UNC5C: variants seen among roughly 807,000 people sequenced by gnomAD.
UNC5C encodes unc-5 netrin receptor C.
UNC5C carries 47 observed loss-of-function variants against 99.8 expected under a neutral mutation model. The observed-to-expected ratio is 0.47, with a 90% CI of 0.37 to 0.60. The LOEUF (loss-of-function observed/expected upper bound fraction) is 0.60, where lower values mean the gene tolerates loss of function less well. UNC5C is among the 20% of genes least tolerant of loss of function. UNC5C has a pLI of 0.00. For missense variants in UNC5C, 1,062 were observed against 1,165.9 expected, an observed-to-expected ratio of 0.91 and a Z score of 1.30; for synonymous variants, 487 against 452.2, an observed-to-expected ratio of 1.08 and a Z score of -0.98.
chr4:95,217,720 A>G (rs1445315775), intron 9 of UNC5C, among the ~76,000 whole-genome samples: 4 of 152,204 alleles, frequency 2.6e-5, no homozygotes, highest in Non-Finnish European at 5.9e-5. Flanking sequence ...GCAGAATCCA[A>G]TACATTTCAG....
intron 1 of UNC5C, among the ~76,000 whole-genome samples, chr4:95,501,907 G>T (rs1475351777): frequency 6.6e-6 from 1 of 152,084 alleles, no homozygotes; most frequent in African/African-American, 2.4e-5. Context: ...TCTTATGTTG[G>T]AAATATTTAT....
In UNC5C at chr4:95,548,892, G is replaced by A. The variant is rs1387997929; in HGVS notation, c.-35C>T. On this transcript the variant is annotated 5_prime_UTR_variant, in exon 1 of 16. Coordinates refer to ENST00000453304, the MANE Select transcript of UNC5C (RefSeq NM_003728.4). ...AGGTGTGCCGGGGGGAGGGGAGGGG[G>A]ACAGAGAGACGCGCAAACAGCTGAA... is the stretch of plus-strand genomic sequence containing the variant. The A allele has an allele frequency of 6.2e-7, 1 of 1,608,928 alleles. No individual in the cohort carries two copies. The highest frequency in any genetic ancestry group is 8.5e-7 in the Non-Finnish European group (1 of 1,178,054).
chr4:95,258,663 C>T (rs552133066), intron 4 of UNC5C, among the ~76,000 whole-genome samples: 2 of 151,320 alleles, frequency 1.3e-5, no homozygotes, highest in African/African-American at 4.8e-5. Context: ...AACAGTTACA[C>T]GGCAATATTA....
At chr4:95,177,696 A>G (rs747894191) in intron 14 of UNC5C, among the ~76,000 whole-genome samples, 1 of 152,068 alleles carries the variant, frequency 6.6e-6, no homozygotes, top group East Asian at 1.9e-4. Flanking sequence ...GTATTTAGAG[A>G]CAAGGTCTTC....
At chr4:95,487,670 T>G (rs1721364195) in intron 1 of UNC5C, among the ~76,000 whole-genome samples, 1 of 151,700 alleles carries the variant, frequency 6.6e-6, no homozygotes, top group Non-Finnish European at 1.5e-5. Flanking sequence ...TAGAGAACTC[T>G]CTCCTACCAC....
intron 1 of UNC5C, among the ~76,000 whole-genome samples, chr4:95,458,121 C>A (rs1163133921): frequency 6.6e-6 from 1 of 152,056 alleles, no homozygotes; most frequent in African/African-American, 2.4e-5. Flanking sequence ...TGCAAGTTTA[C>A]AAGGAAATGA....
Position 95,162,812 on chromosome 4 carries a change from A to G in UNC5C, c.*6422T>C, listed in dbSNP as rs1300590713. On this transcript the variant is annotated 3_prime_UTR_variant, in exon 16 of 16. Transcript: ENST00000453304. ...CAACAACAAAAGTGTTCCATATCGG[A>G]AAAGCCAAGGTTGTCATGTTTTGTT... The G allele has an allele frequency of 6.6e-6, 1 of 152,164 alleles. No homozygotes were observed. The highest frequency in any genetic ancestry group is 2.4e-5 in the African/African-American group (1 of 41,454). 9.4% of individuals were successfully genotyped at this position (152,164 alleles called of 1,614,324 possible).
chr4:95,274,560 G>A (rs72887720), intron 4 of UNC5C, among the ~76,000 whole-genome samples: 1,817 of 151,332 alleles, frequency 0.012, 34 homozygotes, highest in African/African-American at 0.041. Context: ...AGGAGTCCTC[G>A]GTTGGCCTCT....
chr4:95,173,012 G>A (rs1736186871), intron 14 of UNC5C, among the ~76,000 whole-genome samples: 1 of 152,030 alleles, frequency 6.6e-6, no homozygotes, highest in South Asian at 2.1e-4. Context: ...ATTGTGAATG[G>A]GAGTTCACTC....
chr4:95,276,190 C>A (rs1477977815), intron 4 of UNC5C, among the ~76,000 whole-genome samples: 2 of 151,978 alleles, frequency 1.3e-5, no homozygotes, highest in Non-Finnish European at 2.9e-5. Context: ...GTTTTCTGAT[C>A]TTGGTGATTT....
At chr4:95,478,773 T>C (rs1032287838) in intron 1 of UNC5C, among the ~76,000 whole-genome samples, 21 of 152,166 alleles carry the variant, frequency 1.4e-4, no homozygotes, top group African/African-American at 5.1e-4. Context: ...TCAAATCTCA[T>C]ATGAAAATTT....
chr4:95,491,737 G>A (rs1721498664), intron 1 of UNC5C, among the ~76,000 whole-genome samples: 2 of 151,512 alleles, frequency 1.3e-5, no homozygotes, highest in African/African-American at 4.8e-5. Flanking sequence ...AATATGTTGT[G>A]TTCCAAATAA....
At position 95,333,029 on chromosome 4, in the gene UNC5C, C is replaced by T. The variant is rs374543671; in HGVS notation, c.346+2381G>A. 3.5e-3 allele frequency among the ~76,000 whole-genome samples: 534 copies of T among 152,042 alleles called. 4 individuals carry two copies. The highest frequency in any genetic ancestry group is 0.012 in the African/African-American group (496 of 41,516). On this transcript the variant is annotated intron_variant, in intron 2 of 15. Coordinates refer to ENST00000453304, the MANE Select transcript of UNC5C (RefSeq NM_003728.4). ...ATCAAAACCACAATGAGATACCATC[C>T]CACACCAGTTAGAATGGCAATCATT...
chr4:95,256,699 AATATATAT>A (rs377553615), intron 4 of UNC5C, among the ~76,000 whole-genome samples: 2 of 90,666 alleles, frequency 2.2e-5, no homozygotes, highest in Non-Finnish European at 4.9e-5. Flanking sequence ...GAACTAAATA[AATATATAT>A]ATATATATAT....
intron 1 of UNC5C, among the ~76,000 whole-genome samples, chr4:95,537,663 T>TG (rs1170455869): frequency 1.3e-5 from 2 of 152,176 alleles, no homozygotes; most frequent in African/African-American, 4.8e-5. Context: ...GCAACTCTTT[T>TG]GGGGGAGATA....
intron 3 of UNC5C, among the ~76,000 whole-genome samples, chr4:95,296,059 G>A (rs898402841): frequency 6.6e-5 from 10 of 152,204 alleles, no homozygotes; most frequent in Admixed American, 1.3e-4. Context: ...TTGCACTCCC[G>A]TCTGGGACAG....
intron 1 of UNC5C, among the ~76,000 whole-genome samples, chr4:95,427,815 G>C (rs1295287605): frequency 6.6e-6 from 1 of 151,982 alleles, no homozygotes; most frequent in Non-Finnish European, 1.5e-5. Flanking sequence ...GTTCGTATTT[G>C]CTTCTATTTT....
intron 1 of UNC5C, among the ~76,000 whole-genome samples, chr4:95,410,319 G>A (rs554316329): frequency 6.6e-6 from 1 of 152,132 alleles, no homozygotes; most frequent in South Asian, 2.1e-4. Context: ...CCTCCTACTA[G>A]GTCCCAGTCT....
intron 1 of UNC5C, among the ~76,000 whole-genome samples, chr4:95,543,684 C>G (rs1197988346): frequency 6.6e-6 from 1 of 152,086 alleles, no homozygotes; most frequent in Non-Finnish European, 1.5e-5. Flanking sequence ...TACCTTTTTT[C>G]TGTAATAGTG....
Sources: allele counts gnomAD v4.1 joint callset (sites outside exome capture counted in the v4.1 genomes callset), GRCh38; gene constraint gnomAD v4.1.1; transcripts MANE v1.5; gene names NCBI Gene and HGNC (gene_info 2026-07-23, HGNC 2026-07-21).